GRM7: variants seen among roughly 807,000 people sequenced by gnomAD.
The protein encoded by GRM7 is metabotropic glutamate receptor 7.
A neutral mutation model predicts 84.5 loss-of-function variants in GRM7; 35 were observed. The observed-to-expected ratio is 0.41, with a 90% confidence interval of 0.32 to 0.55. The LOEUF (loss-of-function observed/expected upper bound fraction) is 0.55. Ranked by LOEUF, GRM7 falls within the 20% of genes least tolerant of loss-of-function variation. GRM7 has a pLI of 0.19. For missense variants in GRM7, 1,003 were observed against 1,194.6 expected (o/e 0.84, Z 2.36); for synonymous variants, 487 against 455.1 (o/e 1.07, Z -0.89).
intron 8 of GRM7, among the ~76,000 whole-genome samples, chr3:7,674,750 C>A (rs1265695914): frequency 1.3e-5 from 2 of 152,196 alleles, no homozygotes; most frequent in Admixed American, 1.3e-4. Context: ...GGGAAGCATG[C>A]CTGGCGTGTC....
At chr3:7,251,842 C>T (rs143330203) in intron 2 of GRM7, among the ~76,000 whole-genome samples, 1 of 152,304 alleles carries the variant, frequency 6.6e-6, no homozygotes, top group African/African-American at 2.4e-5. Context: ...AATTAAAAAT[C>T]ATAAGTATAA....
In GRM7 at chr3:7,645,546, T is replaced by TAAAAAAAAAAAA. The variant is rs71043684; in HGVS notation, c.2452-34489_2452-34478dup. 1.3e-3 allele frequency among the ~76,000 whole-genome samples: 114 copies of TAAAAAAAAAAAA among 87,708 alleles called. 1 individual carries two copies. Among genetic ancestry groups the TAAAAAAAAAAAA allele is most frequent in the East Asian group, 5.5e-3 (15 of 2,746 alleles). 57.5% of individuals were successfully genotyped at this position (87,708 alleles called of 152,430 possible). A position where few individuals can be genotyped will look rare whatever the true frequency, so the allele number is the denominator to read the frequency against. On this transcript the variant is annotated intron_variant, in intron 8 of 9. Coordinates refer to ENST00000357716, the MANE Select transcript of GRM7 (RefSeq NM_000844.4). ...TGGGTGACAGAGCAAGACTCCATCT[T>TAAAAAAAAAAAA]AAAAAAAAAAAAAAAAAAAAAAAAA...
chr3:7,661,796 A>AAAAAAAAAAAAAAAAAAAAAAC (rs1699462977), intron 8 of GRM7, among the ~76,000 whole-genome samples: 1 of 135,026 alleles, frequency 7.4e-6, no homozygotes, highest in Non-Finnish European at 1.6e-5. Flanking sequence ...CTCCGTCTCA[A>AAAAAAAAAAAAAAAAAAAAAAC]AAAAAAAAAA....
At chr3:7,579,863 A>T (rs958693563) in intron 8 of GRM7, among the ~76,000 whole-genome samples, 1 of 152,190 alleles carries the variant, frequency 6.6e-6, no homozygotes, top group African/African-American at 2.4e-5. Flanking sequence ...GAGTTGCCCA[A>T]TTGTATATGC....
chr3:7,087,425 C>G (rs1054798121), intron 1 of GRM7, among the ~76,000 whole-genome samples: 1 of 148,646 alleles, frequency 6.7e-6, no homozygotes, highest in Non-Finnish European at 1.5e-5. Flanking sequence ...CGAAAAATTA[C>G]TTGTAGGTCT....
chr3:6,890,991 C>G (rs574431218), intron 1 of GRM7, among the ~76,000 whole-genome samples: 129 of 152,154 alleles, frequency 8.5e-4, no homozygotes, highest in African/African-American at 3.0e-3. Flanking sequence ...ATGTAATGGC[C>G]TTCTTTGTGT....
chr3:7,334,910 C>T (rs1440163304), intron 4 of GRM7, among the ~76,000 whole-genome samples: 1 of 151,992 alleles, frequency 6.6e-6, no homozygotes, highest in Non-Finnish European at 1.5e-5. Context: ...CCAAATTTAT[C>T]AAACGATTAC....
chr3:7,729,853 A>C (rs1422621383), intron 9 of GRM7, among the ~76,000 whole-genome samples: 1 of 139,360 alleles, frequency 7.2e-6, no homozygotes, highest in Admixed American at 7.3e-5. Flanking sequence ...TTACAGGTGC[A>C]TGCCACCACC....
chr3:7,440,099 G>C (rs753906682), intron 5 of GRM7, among the ~76,000 whole-genome samples: 1 of 152,198 alleles, frequency 6.6e-6, no homozygotes, highest in Non-Finnish European at 1.5e-5. Flanking sequence ...ACAGGGATGA[G>C]AGCTTAGCAG....
chr3:6,921,318 G>T (rs1697116398), intron 1 of GRM7, among the ~76,000 whole-genome samples: 1 of 152,160 alleles, frequency 6.6e-6, no homozygotes, highest in East Asian at 1.9e-4. Context: ...TTCCATGAGA[G>T]CCTTCTGCTG....
At chr3:7,176,118 T>C (rs1425777683) in intron 2 of GRM7, among the ~76,000 whole-genome samples, 1 of 149,612 alleles carries the variant, frequency 6.7e-6, no homozygotes, top group Non-Finnish European at 1.5e-5. Context: ...ATTTGTAGAA[T>C]AGGCCAAGGA....
At chr3:7,500,214 G>T (rs902760496) in intron 7 of GRM7, among the ~76,000 whole-genome samples, 1 of 152,100 alleles carries the variant, frequency 6.6e-6, no homozygotes, top group Non-Finnish European at 1.5e-5. Context: ...TGTCTCTTTG[G>T]TTTTTAGCTT....
intron 2 of GRM7, among the ~76,000 whole-genome samples, chr3:7,254,771 C>T (rs1442385276): frequency 2.0e-5 from 3 of 152,194 alleles, no homozygotes; most frequent in Non-Finnish European, 4.4e-5. Context: ...CTCTGAGCTT[C>T]AGTTTATTTT....
intron 1 of GRM7, among the ~76,000 whole-genome samples, chr3:7,029,363 T>C (rs1399027199): frequency 6.6e-6 from 1 of 151,468 alleles, no homozygotes; most frequent in African/African-American, 2.4e-5. Context: ...GTTATACTTC[T>C]GGGTACATAT....
chr3:7,178,661 G>A (rs1235625984), intron 2 of GRM7, among the ~76,000 whole-genome samples: 1 of 152,138 alleles, frequency 6.6e-6, no homozygotes, highest in Non-Finnish European at 1.5e-5. Context: ...AATTGCAGAT[G>A]GGTGTCCCTC....
intron 7 of GRM7, among the ~76,000 whole-genome samples, chr3:7,551,017 CTTAG>C (rs1693441459): frequency 6.6e-6 from 1 of 152,136 alleles, no homozygotes; most frequent in Non-Finnish European, 1.5e-5. Context: ...AGGTAAATTA[CTTAG>C]TGATTCTTAG....
chr3:6,971,655 C>G (rs1011310393), intron 1 of GRM7, among the ~76,000 whole-genome samples: 1 of 152,156 alleles, frequency 6.6e-6, no homozygotes, highest in African/African-American at 2.4e-5. Context: ...TGAATATCAA[C>G]TACTATTCAG....
chr3:7,374,546 T>C (rs1409461971), intron 4 of GRM7, among the ~76,000 whole-genome samples: 1 of 152,024 alleles, frequency 6.6e-6, no homozygotes, highest in East Asian at 1.9e-4. Flanking sequence ...TGGTGCGATC[T>C]CGGCTCACTG....
chr3:7,044,904 C>A (rs1396822318), intron 1 of GRM7, among the ~76,000 whole-genome samples: 1 of 152,142 alleles, frequency 6.6e-6, no homozygotes, highest in Non-Finnish European at 1.5e-5. Flanking sequence ...GCTCAATTTG[C>A]AGGTCATTTT....
Sources: allele counts gnomAD v4.1 joint callset (sites outside exome capture counted in the v4.1 genomes callset), GRCh38; gene constraint gnomAD v4.1.1; transcripts MANE v1.5; gene names NCBI Gene and HGNC (gene_info 2026-07-23, HGNC 2026-07-21).